The following KCTD1 variants were observed in gnomAD, a reference collection of about 807,000 sequenced individuals.
The protein encoded by KCTD1 is BTB/POZ domain-containing protein KCTD1.
Under a neutral mutation model 66.0 loss-of-function variants are expected in KCTD1, and 24 were observed. The ratio of observed to expected loss-of-function variants is 0.36; its 90% CI spans 0.26 to 0.51. The LOEUF (loss-of-function observed/expected upper bound fraction) is 0.51, where lower values mean the gene tolerates loss of function less well. KCTD1 is among the 20% of genes least tolerant of loss of function. KCTD1 has a pLI of 0.95. For synonymous variants in KCTD1, 511 were observed against 517.2 expected, an observed-to-expected ratio of 0.99 and a Z score of 0.16; for missense variants, 943 against 1,205.2, an observed-to-expected ratio of 0.78 and a Z score of 3.22.
At chr18:26,593,631 TGAG>T (rs1389409397) in intron 1 of KCTD1, among the ~76,000 whole-genome samples, 2 of 28,450 alleles carry the variant, frequency 7.0e-5, no homozygotes, top group African/African-American at 1.6e-4. Flanking sequence ...AGGAGGAAGA[TGAG>T]GAGGAAGAGA....
chr18:26,531,764 T>C (rs967330769), intron 1 of KCTD1, among the ~76,000 whole-genome samples: 8 of 152,302 alleles, frequency 5.3e-5, no homozygotes, highest in African/African-American at 1.7e-4. Context: ...TTTGGTGAGG[T>C]CACCTCATTG....
intron 2 of KCTD1, among the ~76,000 whole-genome samples, chr18:26,482,582 G>A (rs1001355125): frequency 3.3e-5 from 5 of 152,180 alleles, no homozygotes; most frequent in East Asian, 1.9e-4. Flanking sequence ...GCTTGAAGAG[G>A]CTGCCAATTC....
chr18:26,508,069 C>T (rs1983137607), intron 1 of KCTD1, among the ~76,000 whole-genome samples: 1 of 152,194 alleles, frequency 6.6e-6, no homozygotes, highest in Non-Finnish European at 1.5e-5. Context: ...TGAAATAACA[C>T]TTATTTTTAA....
rs370717858 is a variant in KCTD1, at chr18:26,646,537, CCAGA to C, written c.9+10819_9+10822del. On this transcript the variant is annotated intron_variant, in intron 1 of 4. Coordinates refer to the KCTD1 transcript ENST00000580191. ...GCAGAATAATTTGGAGACGTTCTTACCAGACATTTATAGTTTGCAGAAGAGCTGT... is the reference window on the plus strand; with the variant it reads ...GCAGAATAATTTGGAGACGTTCTTACCATTTATAGTTTGCAGAAGAGCTGT... Among the ~76,000 whole-genome samples the C allele has an allele frequency of 1.5e-4, 23 of 152,208 alleles. No individual in the cohort carries two copies. In the South Asian group the frequency reaches 3.9e-3, roughly 26 times the overall value.
chr18:26,520,941 A>C (rs557169256), intron 1 of KCTD1, among the ~76,000 whole-genome samples: 1 of 152,360 alleles, frequency 6.6e-6, no homozygotes, highest in South Asian at 2.1e-4. Flanking sequence ...AAAGTCGCTA[A>C]GCCTTCTCAT....
At chr18:26,632,175 A>T (rs1389327208), upstream of KCTD1, among the ~76,000 whole-genome samples, 2 of 152,150 alleles carry the variant, frequency 1.3e-5, no homozygotes, top group South Asian at 2.1e-4. Flanking sequence ...ACTTGAGGTC[A>T]GGAGTTTGAG....
intron 1 of KCTD1, among the ~76,000 whole-genome samples, chr18:26,617,866 A>T (rs980620897): frequency 2.6e-5 from 1 of 39,114 alleles, no homozygotes. Context: ...GGAGGGAGGG[A>T]GGGAGGGAGG....
At chr18:26,470,031 T>A (rs1341526104) in intron 3 of KCTD1, among the ~76,000 whole-genome samples, 2 of 152,104 alleles carry the variant, frequency 1.3e-5, no homozygotes, top group Non-Finnish European at 2.9e-5. Flanking sequence ...AGTCCAAACA[T>A]CAGAAAGTAG....
chr18:26,567,398 A>C (rs1274602089), intron 1 of KCTD1, among the ~76,000 whole-genome samples: 1 of 152,024 alleles, frequency 6.6e-6, no homozygotes, highest in Non-Finnish European at 1.5e-5. Flanking sequence ...TTGTGTCTCC[A>C]TCTTAGGGAT....
intron 3 of KCTD1, among the ~76,000 whole-genome samples, chr18:26,463,682 G>A (rs1487291706): frequency 6.6e-6 from 1 of 152,060 alleles, no homozygotes; most frequent in Non-Finnish European, 1.5e-5. Context: ...GATTACAGGT[G>A]CCCACCACTA....
At chr18:26,596,539 G>T (rs1325123960) in intron 1 of KCTD1, among the ~76,000 whole-genome samples, 1 of 152,206 alleles carries the variant, frequency 6.6e-6, no homozygotes, top group Non-Finnish European at 1.5e-5. Context: ...CCTGGCAAGG[G>T]ATTTCTGATG....
chr18:26,490,210 G>A (rs1982125911), intron 2 of KCTD1, among the ~76,000 whole-genome samples: 1 of 152,168 alleles, frequency 6.6e-6, no homozygotes, highest in Non-Finnish European at 1.5e-5. Context: ...TGCAGCTCAG[G>A]TGCCCTGACT....
At chr18:26,499,283 T>C (rs985124314) in intron 2 of KCTD1, among the ~76,000 whole-genome samples, 3 of 152,182 alleles carry the variant, frequency 2.0e-5, no homozygotes, top group Non-Finnish European at 4.4e-5. Context: ...GATGGTGGTA[T>C]TAACAGAGGG....
intron 3 of KCTD1, among the ~76,000 whole-genome samples, chr18:26,467,099 T>C (rs141503347): frequency 7.9e-5 from 12 of 152,070 alleles, no homozygotes; most frequent in Middle Eastern, 3.4e-3. Context: ...TGTTTTAACA[T>C]TGGCAGTCTG....
chr18:26,539,679 G>A (rs971126966), intron 1 of KCTD1, among the ~76,000 whole-genome samples: 1 of 152,100 alleles, frequency 6.6e-6, no homozygotes, highest in Non-Finnish European at 1.5e-5. Flanking sequence ...ACTCCTGCCT[G>A]GATCTGGTCT....
intron 4 of KCTD1, chr18:26,457,852 T>C (rs1411666667): frequency 6.6e-6 from 1 of 152,252 alleles, no homozygotes; most frequent in Non-Finnish European, 1.5e-5. Context: ...CTGTGTCATA[T>C]GACCACGTTA....
intron 1 of KCTD1, among the ~76,000 whole-genome samples, chr18:26,635,599 G>A (rs1170101460): frequency 6.6e-6 from 1 of 152,170 alleles, no homozygotes; most frequent in Admixed American, 6.5e-5. Context: ...CTAGAGCAGT[G>A]CTCCTCTAAC....
At chr18:26,558,732 GCCAACA>G (rs1985770205) in intron 1 of KCTD1, among the ~76,000 whole-genome samples, 1 of 152,072 alleles carries the variant, frequency 6.6e-6, no homozygotes, top group Non-Finnish European at 1.5e-5. Flanking sequence ...GACCATCCTG[GCCAACA>G]TGGTGAAACC....
chr18:26,596,402 A>G (rs996185115), intron 1 of KCTD1, among the ~76,000 whole-genome samples: 9 of 152,194 alleles, frequency 5.9e-5, no homozygotes, highest in Non-Finnish European at 1.2e-4. Context: ...TTGCTCTTGG[A>G]CTTTCCATCC....
Sources: allele counts gnomAD v4.1 joint callset (sites outside exome capture counted in the v4.1 genomes callset), GRCh38; gene constraint gnomAD v4.1.1; transcripts MANE v1.5; gene names NCBI Gene and HGNC (gene_info 2026-07-23, HGNC 2026-07-21).